Variants in UNC13C observed in about 807,000 individuals in gnomAD.
UNC13C encodes unc-13 homolog C, also known as protein unc-13 homolog C.
In UNC13C, 174 loss-of-function variants were observed where a neutral mutation model predicts 245.4. That is an observed-to-expected ratio of 0.71 (90% CI 0.63 to 0.80). The LOEUF is 0.80. Ranked by LOEUF, UNC13C falls within the 30% of genes least tolerant of loss-of-function variation. The probability of loss-of-function intolerance (pLI) is 0.00; values close to 1 mark genes in which losing one functional copy is unlikely to be tolerated. For missense variants in UNC13C, 2,829 were observed against 2,602.9 expected (o/e 1.09, Z -1.89); for synonymous variants, 992 against 895.1 (o/e 1.11, Z -1.93).
intron 2 of UNC13C, among the ~76,000 whole-genome samples, chr15:54,138,350 A>G (rs879503416): frequency 1.3e-5 from 2 of 152,142 alleles, no homozygotes; most frequent in Non-Finnish European, 2.9e-5. Flanking sequence ...ATAAGAGAAT[A>G]TGAATGAATA....
chr15:54,567,950 A>G lies in UNC13C; in HGVS notation c.6106+3A>G. ...CATAGATACTCAAACCTCACAGAGT[A>G]AGTAACACATAGGACCTGAGAATAA... On this transcript the variant is annotated splice_donor_region_variant and intron_variant, in intron 30 of 32. Coordinates refer to ENST00000260323, the MANE Select transcript of UNC13C (RefSeq NM_001080534.3). The G allele has an allele frequency of 6.4e-7, 1 of 1,553,250 alleles. No individual in the cohort carries two copies. The highest frequency in any genetic ancestry group is 8.7e-7 in the Non-Finnish European group (1 of 1,147,876).
chr15:54,095,155 C>T (rs1214103797), intron 2 of UNC13C, among the ~76,000 whole-genome samples: 2 of 152,186 alleles, frequency 1.3e-5, no homozygotes, highest in Non-Finnish European at 2.9e-5. Flanking sequence ...ACCATCCACC[C>T]CAGCAGGCAG....
intron 22 of UNC13C, among the ~76,000 whole-genome samples, chr15:54,503,901 C>T (rs183874064): frequency 3.6e-4 from 54 of 152,052 alleles, no homozygotes; most frequent in African/African-American, 1.2e-3. Flanking sequence ...TAAACAGTCT[C>T]CTGGAGATCA....
chr15:54,159,555 C>G (rs1467556926), intron 4 of UNC13C, among the ~76,000 whole-genome samples: 1 of 152,188 alleles, frequency 6.6e-6, no homozygotes, highest in Non-Finnish European at 1.5e-5. Context: ...ACCACAGGAA[C>G]TGCAAAGAAA....
intron 17 of UNC13C, among the ~76,000 whole-genome samples, chr15:54,359,522 T>C (rs917718018): frequency 1.3e-5 from 2 of 151,996 alleles, no homozygotes; most frequent in African/African-American, 4.8e-5. Context: ...TTCTTCCTTA[T>C]TATTAGTCTG....
chr15:54,361,078 G>C (rs1237601504), intron 17 of UNC13C, among the ~76,000 whole-genome samples: 1 of 152,032 alleles, frequency 6.6e-6, no homozygotes, highest in Non-Finnish European at 1.5e-5. Flanking sequence ...ATCTCCATTA[G>C]GAATTTTTAT....
chr15:53,926,374 G>A, the UNC13C span, among the ~76,000 whole-genome samples: 1 of 152,088 alleles, frequency 6.6e-6, no homozygotes, highest in Admixed American at 6.6e-5. Flanking sequence ...TCACATGTGA[G>A]AATAATTATT....
chr15:54,423,632 A>T (rs961150579), intron 19 of UNC13C, among the ~76,000 whole-genome samples: 1 of 151,912 alleles, frequency 6.6e-6, no homozygotes, highest in Non-Finnish European at 1.5e-5. Flanking sequence ...ATAAAAATCT[A>T]TAGAAAGCCA....
intron 4 of UNC13C, among the ~76,000 whole-genome samples, chr15:54,150,444 G>A (rs938577901): frequency 6.6e-6 from 1 of 152,174 alleles, no homozygotes; most frequent in African/African-American, 2.4e-5. Context: ...CAGTCCTCAC[G>A]CAGAGCAAGC....
intron 2 of UNC13C, among the ~76,000 whole-genome samples, chr15:54,059,716 A>C (rs575996903): frequency 6.6e-6 from 1 of 152,206 alleles, no homozygotes; most frequent in Non-Finnish European, 1.5e-5. Context: ...ACTTCAAACT[A>C]TACTGCAAGG....
In UNC13C at chr15:54,555,262, G is replaced by A. The variant is rs964030292; in HGVS notation, c.5878-170G>A. Among the ~76,000 whole-genome samples the A allele has an allele frequency of 5.3e-5, 8 of 152,140 alleles. No homozygotes were observed. The East Asian group carries it at 1.6e-3, about 30-fold the overall frequency. The stretch of plus-strand genomic sequence containing the variant: ...ATTGAACATTTCTTCCTTTGACAGA[G>A]AGGAGATTTATAAAATATATGACAA... On this transcript the variant is annotated intron_variant, in intron 28 of 32. Coordinates refer to ENST00000260323, the MANE Select transcript of UNC13C (RefSeq NM_001080534.3).
At chr15:54,092,019 C>T (rs1440795963) in intron 2 of UNC13C, among the ~76,000 whole-genome samples, 1 of 152,144 alleles carries the variant, frequency 6.6e-6, no homozygotes, top group Non-Finnish European at 1.5e-5. Flanking sequence ...TTTACTACAC[C>T]TCTTAGACTT....
chr15:54,024,937 A>AT (rs1194553736), intron 2 of UNC13C, among the ~76,000 whole-genome samples: 4 of 117,568 alleles, frequency 3.4e-5, no homozygotes, highest in African/African-American at 8.2e-5. Context: ...ATAAAAAATA[A>AT]TAAAAAAATG....
chr15:54,163,342 A>G (rs911549862), intron 4 of UNC13C, among the ~76,000 whole-genome samples: 2 of 152,200 alleles, frequency 1.3e-5, no homozygotes, highest in East Asian at 3.9e-4. Flanking sequence ...AAGCTGCCAG[A>G]TGGCGCAGAG....
intron 2 of UNC13C, among the ~76,000 whole-genome samples, chr15:54,071,194 A>G (rs2115823): frequency 0.036 from 5,427 of 151,904 alleles, 327 homozygotes; most frequent in African/African-American, 0.12. Context: ...TCCTTTTTTT[A>G]AAAAAAATTT....
At chr15:54,261,598 A>C (rs1421814374) in intron 8 of UNC13C, among the ~76,000 whole-genome samples, 2 of 152,190 alleles carry the variant, frequency 1.3e-5, no homozygotes, top group Non-Finnish European at 2.9e-5. Context: ...GCTGCGGTGC[A>C]GTGGCGCCAT....
At chr15:54,620,545 A>C (rs1302809057) in intron 30 of UNC13C, among the ~76,000 whole-genome samples, 1 of 151,856 alleles carries the variant, frequency 6.6e-6, no homozygotes, top group Non-Finnish European at 1.5e-5. Flanking sequence ...AAAATTACTC[A>C]TTTCTTAAAG....
At chr15:54,621,253 C>A (rs897634945) in intron 30 of UNC13C, among the ~76,000 whole-genome samples, 1 of 151,888 alleles carries the variant, frequency 6.6e-6, no homozygotes, top group East Asian at 1.9e-4. Flanking sequence ...TAATACATTG[C>A]AAATGAGATT....
chr15:53,839,621 C>G, the UNC13C span, among the ~76,000 whole-genome samples: 1 of 151,954 alleles, frequency 6.6e-6, no homozygotes, highest in Non-Finnish European at 1.5e-5. Flanking sequence ...CTGTGACAGT[C>G]TCTGTTTTTT....
Sources: gnomAD v4.1 joint callset for allele counts (sites outside exome capture counted in the v4.1 genomes callset) on GRCh38, gnomAD v4.1.1 for gene constraint, MANE v1.5 for transcripts, NCBI Gene and HGNC (gene_info 2026-07-23, HGNC 2026-07-21) for gene names.